Variants in TTN observed in about 807,000 individuals in gnomAD.
TTN encodes the protein connectin.
A neutral mutation model predicts 3,223.0 loss-of-function variants in TTN; 1,525 were observed. That is an observed-to-expected ratio of 0.47 (90% CI 0.45 to 0.49). The LOEUF is 0.49. TTN is among the 20% of genes least tolerant of loss of function. The pLI, the probability that TTN is intolerant of heterozygous loss-of-function variation, is 0.00. For missense variants in TTN, 40,786 were observed against 43,424.0 expected (o/e 0.94, Z 5.40); for synonymous variants, 14,094 against 15,161.0 (o/e 0.93, Z 5.17).
Position 178,720,495 on chromosome 2 carries a change from T to A in TTN, c.23267A>T (p.Asp7756Val). The A allele has an allele frequency of 6.2e-7, 1 of 1,613,708 alleles. No homozygotes were observed. The highest frequency in any genetic ancestry group is 1.1e-5 in the South Asian group (1 of 91,072). The stretch of plus-strand genomic sequence containing the variant: ...AAGATTAAGGATATGAAGACTTGTA[T>A]CAAAATGTTTTGAAGTGATTTTAAA... ...KKFKITSKHF[D>V]TSLHILNLEA... The change falls in exon 80 of 363, where the codon GAT becomes GTT. Residue 7756 changes from aspartate to valine, a missense_variant. Physicochemically the swap from Asp to Val is radical, Grantham distance 152. Coordinates refer to ENST00000589042, the MANE Select transcript of TTN (RefSeq NM_001267550.2).
At position 178,720,038 on chromosome 2, in the gene TTN, G is replaced by T. The variant is rs1358214459; in HGVS notation, c.23604C>A (p.Cys7868Ter). ...PEASNSGKYICQIKNDAGMRE... is the reference protein window; with the variant it reads ...PEASNSGKYI ...TCATTCCAGCATCGTTTTTGATTTG[G>T]CATATATATTTTCCAGAATTAGATG... Residue 7868 changes from cysteine (C) to a stop codon, truncating the protein, a stop_gained, in exon 81 of 363, where the codon TGC becomes TGA. Transcript: ENST00000589042. LOFTEE classifies it high-confidence loss of function. The T allele has an allele frequency of 6.2e-7, 1 of 1,613,300 alleles. No homozygotes were observed. The highest frequency in any genetic ancestry group is 1.3e-5 in the African/African-American group (1 of 74,868).
At chr2:178,528,148 G>A (rs1441559961) in intron 361 of TTN, 126 bp downstream of exon 361, 3 of 1,081,504 alleles carry the variant, frequency 2.8e-6, no homozygotes, top group African/African-American at 3.2e-5. Context: ...ATTCACATCA[G>A]TTGGCTGTCC....
intron 218 of TTN, 142 bp from the exon 219 acceptor site, chr2:178,642,459 G>T: frequency 1.5e-6 from 1 of 674,410 alleles, no homozygotes; most frequent in East Asian, 2.8e-5. Flanking sequence ...CAGAATTTAA[G>T]TTTAAATGAT....
Position 178,706,479 on chromosome 2 carries a change from C to T in TTN, c.29395G>A (p.Gly9799Ser), listed in dbSNP as rs745681584. ...DERKKQEKIEGDLRAMLKKTP... is the reference protein window; with the variant it reads ...DERKKQEKIESDLRAMLKKTP... ...TTTTTCAGCATTGCTCTAAGATCGC[C>T]TTCAATTTTCTCTTGTTTCTTCCTT... The change falls in exon 102 of 363, where the codon GGC becomes AGC. Residue 9799 changes from glycine (G) to serine (S), a missense_variant. Transcript: ENST00000589042. The T allele has an allele frequency of 6.2e-7, 1 of 1,613,342 alleles. No individual in the cohort carries two copies. Among genetic ancestry groups the T allele is most frequent in the Admixed American group, 1.7e-5 (1 of 59,906 alleles).
At position 178,768,722 on chromosome 2, in the gene TTN, G is replaced by T; in HGVS notation, c.9114C>A (p.Tyr3038Ter). 6.2e-7 allele frequency: 1 copy of T among 1,614,106 alleles called. No individual in the cohort carries two copies. The highest frequency in any genetic ancestry group is 1.7e-5 in the Admixed American group (1 of 60,012). ...ATGTTGCTTTTCCAGCCACAAAGGT[G>T]TAGTCAGCAGCATCCCCAAAGTGAA... is the stretch of plus-strand genomic sequence containing the variant. ...RNVHFGDAAD[Y>*]TFVAGKATST... Residue 3038 changes from tyrosine (Y) to a stop codon, truncating the protein, a stop_gained, in exon 38 of 363, where the codon TAC becomes TAA. Transcript: ENST00000589042. LOFTEE classifies it high-confidence loss of function.
At chr2:178,770,790 TAC>T (rs2154343028) in intron 34 of TTN, 115 bp from the exon 35 acceptor site, 1 of 1,317,678 alleles carries the variant, frequency 7.6e-7, no homozygotes, top group African/African-American at 1.4e-5. Context: ...CCAAACATTT[TAC>T]AGTTATGCAG....
In TTN at chr2:178,621,704, A is replaced by C. The variant is rs74580375; in HGVS notation, c.45120T>G (p.Ile15040Met). 3.9e-4 allele frequency: 632 copies of C among 1,611,842 alleles called. No individual in the cohort carries two copies. The East Asian group carries it at 0.011, about 28-fold the overall frequency. The change falls in exon 245 of 363, where the codon ATT (isoleucine) becomes ATG (methionine). Residue 15040 changes from isoleucine to methionine, a missense_variant. Transcript: ENST00000589042. ...TTATAGTGTCTGTTTCACTAACTTC[A>C]ATGTTGGCAAGATTTTTGGTAAAGA... is the stretch of plus-strand genomic sequence containing the variant. ...EAVFTKNLAN[I>M]EVSETDTIKL...
In TTN at chr2:178,696,243, T is replaced by C. The variant is rs1380771558; in HGVS notation, c.30829A>G (p.Lys10277Glu). ...KAPEIIDVSS[K>E]AEEVKIMTIT... ...GTCATTATTTTTACTTCTTCAGCTTTAGAGGATACATCAATGATTTCAGGA... is the reference window on the plus strand; with the variant it reads ...GTCATTATTTTTACTTCTTCAGCTTCAGAGGATACATCAATGATTTCAGGA... Residue 10277 changes from lysine (K) to glutamate (E), a missense_variant, in exon 114 of 363, where the codon AAA (lysine) becomes GAA (glutamate). Physicochemically the swap from Lys to Glu is moderately conservative, Grantham distance 56 (BLOSUM62 1). Transcript: ENST00000589042. 2.6e-6 allele frequency: 4 copies of C among 1,556,784 alleles called. No homozygotes were observed. The East Asian group carries it at 6.9e-5, about 27-fold the overall frequency.
chr2:178,685,362 A>G, intron 128 of TTN, 32 bp from the exon 129 acceptor site: 1 of 1,530,228 alleles, frequency 6.5e-7, no homozygotes. Context: ...GTTTGTAGAA[A>G]TGTCTAGATT....
Position 178,537,263 on chromosome 2 carries a change from T to C in TTN, c.99866-20A>G, listed in dbSNP as rs532038019. On this transcript the variant is annotated intron_variant, in intron 355 of 362. Coordinates refer to ENST00000589042, the MANE Select transcript of TTN (RefSeq NM_001267550.2). ...GTTTATCTGTTGGGGGAAAATACAA[T>C]TGTGGTGGTTTTCATAGTGTGTTTT... 1.3e-6 allele frequency: 2 copies of C among 1,558,786 alleles called. No homozygotes were observed. Among genetic ancestry groups the C allele is most frequent in the Non-Finnish European group, 1.7e-6 (2 of 1,155,482 alleles).
intron 47 of TTN, chr2:178,751,853 A>G (rs767180161): frequency 1.1e-5 from 18 of 1,610,876 alleles, no homozygotes; most frequent in South Asian, 1.1e-5. Flanking sequence ...TTCACCCTCT[A>G]AAACATATTT....
Position 178,587,295 on chromosome 2 carries a change from G to A in TTN, c.63916C>T (p.Arg21306Cys), listed in dbSNP as rs773942316. The change falls in exon 307 of 363, where the codon CGT becomes TGT. Residue 21306 changes from arginine to cysteine, a missense_variant. Arg to Cys is a radical substitution (Grantham distance 180, BLOSUM62 -3). Transcript: ENST00000589042. Reference sequence around the variant, plus strand: ...GACCATGTCTTTCTGTCTGCCTCACGTTTCTCCACGATATAATGTGTCACT... The same window carrying A: ...GACCATGTCTTTCTGTCTGCCTCACATTTCTCCACGATATAATGTGTCACT... Reference protein sequence around the residue: ...SQVTHYIVEKREADRKTWSTV... With the variant: ...SQVTHYIVEKCEADRKTWSTV... The A allele has an allele frequency of 2.0e-5, 32 of 1,612,814 alleles. No homozygotes were observed. The South Asian group carries it at 2.9e-4, about 14-fold the overall frequency.
chr2:178,664,840 G>C lies in TTN; in HGVS notation c.36118+12C>G. The C allele has an allele frequency of 6.2e-7, 1 of 1,611,234 alleles. No individual in the cohort carries two copies. The highest frequency in any genetic ancestry group is 8.5e-7 in the Non-Finnish European group (1 of 1,179,320). On this transcript the variant is annotated intron_variant, in intron 166 of 362. Transcript: ENST00000589042. ...AGCTAGTTCTTGACCCTGAGAGCAT[G>C]GTGACTTGTACCTTTAACTGATGGG...
chr2:178,685,256 T>C lies in TTN; in HGVS notation c.32467A>G (p.Lys10823Glu). 6.5e-7 allele frequency: 1 copy of C among 1,544,962 alleles called. No individual in the cohort carries two copies. Among genetic ancestry groups the C allele is most frequent in the Non-Finnish European group, 8.7e-7 (1 of 1,145,300 alleles). Residue 10823 changes from lysine (K) to glutamate (E), a missense_variant, in exon 129 of 363, where the codon AAA becomes GAA. Lys to Glu is a moderately conservative substitution (Grantham distance 56). Coordinates refer to ENST00000589042, the MANE Select transcript of TTN (RefSeq NM_001267550.2). Reference sequence around the variant, plus strand: ...ATTTCTTTGAAAGAAATCATACCTTTAGCCGGTGGAGGCTCCTCTATTTTA... The same window carrying C: ...ATTTCTTTGAAAGAAATCATACCTTCAGCCGGTGGAGGCTCCTCTATTTTA... Reference protein sequence around the residue: ...PAKIEEPPPAKVPEAPKKIVP... With the variant: ...PAKIEEPPPAEVPEAPKKIVP...
rs751582645 is a variant in TTN at position 178,715,094 on chromosome 2, T to A, written c.26092A>T (p.Thr8698Ser). Residue 8698 changes from threonine to serine, a missense_variant, in exon 90 of 363, where the codon ACC (threonine) becomes TCC (serine). By Grantham distance (58) the Thr-to-Ser change is moderately conservative. Coordinates refer to ENST00000589042, the MANE Select transcript of TTN (RefSeq NM_001267550.2). ...KYKIMSENFLTSIHILNVDAA... is the reference protein window; with the variant it reads ...KYKIMSENFLSSIHILNVDAA... ...TCGACATTCAGGATGTGGATACTGG[T>A]TAGGAAGTTCTCAGACATTATCTTG... 6.2e-7 allele frequency: 1 copy of A among 1,613,740 alleles called. No individual in the cohort carries two copies.
Position 178,698,916 on chromosome 2 carries a change from T to TAAAAAAAAA in TTN, c.30683-11_30683-3dup, listed in dbSNP as rs368277751. 126 of 1,315,186 alleles carry TAAAAAAAAA rather than the reference T, an allele frequency of 9.6e-5. No homozygotes were observed. The highest frequency in any genetic ancestry group is 4.5e-4 in the East Asian group (16 of 35,670). The allele number at this position is 1,315,186 out of a possible 1,614,324, so 81.5% of individuals were successfully genotyped here. A position where few individuals can be genotyped will look rare whatever the true frequency, so the allele number is the denominator to read the frequency against. ...CTTTCTTCACAGCCTTTTTGGTAAC[T>TAAAAAAAAA]AAAAAAAAAAAAAAAGAAAAAAAAA... On this transcript the variant is annotated splice_polypyrimidine_tract_variant and splice_region_variant and intron_variant, in intron 111 of 362. Transcript: ENST00000589042.
chr2:178,738,307 G>C lies in TTN; in HGVS notation c.14146C>G (p.Leu4716Val). 6.2e-7 allele frequency: 1 copy of C among 1,613,526 alleles called. No individual in the cohort carries two copies. The highest frequency in any genetic ancestry group is 8.5e-7 in the Non-Finnish European group (1 of 1,179,702). Residue 4716 changes from leucine (L) to valine (V), a missense_variant, in exon 49 of 363, where the codon CTA becomes GTA. Leu to Val is a conservative substitution (Grantham distance 32). Coordinates refer to ENST00000589042, the MANE Select transcript of TTN (RefSeq NM_001267550.2). ...IEPLEVALGH[L>V]AKFTCEIQSA... ...TGGATCTCACAGGTGAATTTGGCTA[G>C]GTGGCCCAGTGCTACTTCCAGGGGT...
chr2:178,771,525 GAA>G, intron 33 of TTN, 54 bp from the exon 34 acceptor site: 1 of 1,606,032 alleles, frequency 6.2e-7, no homozygotes, highest in South Asian at 1.1e-5. Context: ...CACACAATGG[GAA>G]AATCTTTGCA....
chr2:178,582,417 G>C lies in TTN; in HGVS notation c.66039C>G (p.Thr22013=). The C allele has an allele frequency of 2.5e-6, 4 of 1,612,896 alleles. No homozygotes were observed. Among genetic ancestry groups the C allele is most frequent in the Non-Finnish European group, 3.4e-6 (4 of 1,179,324 alleles). The change falls in exon 314 of 363, where the codon ACC becomes ACG. Residue 22013 remains threonine, a synonymous_variant. Coordinates refer to ENST00000589042, the MANE Select transcript of TTN (RefSeq NM_001267550.2). The stretch of plus-strand genomic sequence containing the variant: ...CTATAAGTTTCTCCACGCTGCAGCT[G>C]GTGATAGGCACAGTTGCAGAGACTT... ...WAQVSATVPI[T]SCSVEKLIEG... is the part of the protein sequence containing the mutation.
Sources: gnomAD v4.1 joint callset for allele counts on GRCh38, gnomAD v4.1.1 for gene constraint, MANE v1.5 for transcripts, NCBI Gene and HGNC (gene_info 2026-07-23, HGNC 2026-07-21) for gene names.